Variants in PTPN3 observed in about 807,000 individuals in gnomAD.
PTPN3 encodes the protein tyrosine-protein phosphatase non-receptor type 3.
A neutral mutation model predicts 132.7 loss-of-function variants in PTPN3; 96 were observed. That is an observed-to-expected ratio of 0.72 (90% CI 0.61 to 0.86). The LOEUF is 0.86. PTPN3 is among the 40% of genes least tolerant of loss of function. The pLI, the probability that PTPN3 is intolerant of heterozygous loss-of-function variation, is 0.00. For synonymous variants in PTPN3, 398 were observed against 429.0 expected, an observed-to-expected ratio of 0.93 and a Z score of 0.89; for missense variants, 1,125 against 1,159.6, an observed-to-expected ratio of 0.97 and a Z score of 0.43.
At chr9:109,443,275 T>C (rs931729926) in intron 7 of PTPN3, among the ~76,000 whole-genome samples, 1 of 151,952 alleles carries the variant, frequency 6.6e-6, no homozygotes, top group Non-Finnish European at 1.5e-5. Flanking sequence ...TGGGGCTTCA[T>C]AGTGTTGCCC....
chr9:109,511,364 T>C, the PTPN3 span: 1 of 152,740 alleles, frequency 6.5e-6, no homozygotes, highest in Non-Finnish European at 1.5e-5. Context: ...CACAGTAACT[T>C]TGACAGAATG....
At position 109,420,609 on chromosome 9, in the gene PTPN3, G is replaced by C. The variant is rs1476871132; in HGVS notation, c.1137-9C>G. On this transcript the variant is annotated splice_polypyrimidine_tract_variant and intron_variant, in intron 13 of 25. Transcript: ENST00000374541. ...GGAGCCGAGGACTTCGCCTGGGTGGGAAAAACGTTGAGTGCAAAGTGTTCA... is the reference window on the plus strand; with the variant it reads ...GGAGCCGAGGACTTCGCCTGGGTGGCAAAAACGTTGAGTGCAAAGTGTTCA... The C allele has an allele frequency of 6.2e-7, 1 of 1,602,320 alleles. No homozygotes were observed. Among genetic ancestry groups the C allele is most frequent in the East Asian group, 2.2e-5 (1 of 44,596 alleles).
chr9:109,468,238 C>T (rs1846196084), intron 1 of PTPN3, among the ~76,000 whole-genome samples: 1 of 152,188 alleles, frequency 6.6e-6, no homozygotes, highest in Non-Finnish European at 1.5e-5. Context: ...ATTACAGCTG[C>T]TGCTGATGCA....
chr9:109,467,784 G>A (rs553948191), intron 1 of PTPN3, among the ~76,000 whole-genome samples: 6 of 152,260 alleles, frequency 3.9e-5, no homozygotes, highest in South Asian at 2.1e-4. Context: ...TCATTTCACC[G>A]TGGTTAGCAA....
chr9:109,395,985 T>C (rs1840570182), intron 19 of PTPN3, among the ~76,000 whole-genome samples: 1 of 151,890 alleles, frequency 6.6e-6, no homozygotes, highest in Non-Finnish European at 1.5e-5. Flanking sequence ...GCCTCCCGTG[T>C]AGCTGGAATC....
At chr9:109,501,685 A>G (rs1847866201), upstream of PTPN3, among the ~76,000 whole-genome samples, 1 of 152,220 alleles carries the variant, frequency 6.6e-6, no homozygotes, top group Non-Finnish European at 1.5e-5. Flanking sequence ...TGTTGAACTC[A>G]GCCAAGTGTA....
the PTPN3 span, among the ~76,000 whole-genome samples, chr9:109,504,783 A>G: frequency 6.6e-6 from 1 of 151,894 alleles, no homozygotes; most frequent in Non-Finnish European, 1.5e-5. Flanking sequence ...CTGGAAACTC[A>G]GATCATTGAG....
chr9:109,401,628 C>T (rs989233580), intron 19 of PTPN3, among the ~76,000 whole-genome samples: 3 of 152,198 alleles, frequency 2.0e-5, no homozygotes, highest in African/African-American at 7.2e-5. Flanking sequence ...TCAGTGAGAG[C>T]CCACAGCGCC....
chr9:109,473,033 G>T (rs549518665), intron 1 of PTPN3, among the ~76,000 whole-genome samples: 24 of 152,102 alleles, frequency 1.6e-4, no homozygotes, highest in Non-Finnish European at 3.2e-4. Context: ...TTAAAAATTT[G>T]GGTATTTATG....
chr9:109,417,589 C>T (rs1485964822), intron 14 of PTPN3: 2 of 984,528 alleles, frequency 2.0e-6, no homozygotes, highest in Non-Finnish European at 1.2e-6. Flanking sequence ...TACTTCTTAC[C>T]TGGAGCAATG....
At chr9:109,459,631 C>T (rs1390800248) in intron 2 of PTPN3, among the ~76,000 whole-genome samples, 2 of 152,114 alleles carry the variant, frequency 1.3e-5, no homozygotes, top group African/African-American at 2.4e-5. Flanking sequence ...CTCACTGTAA[C>T]CTCAAACTCC....
At position 109,445,272 on chromosome 9, in the gene PTPN3, G is replaced by A. The variant is rs1844773037; in HGVS notation, c.434C>T (p.Ser145Leu). ...CEGRLTCPLNSAVVLASYAVQ... is the reference protein window; with the variant it reads ...CEGRLTCPLNLAVVLASYAVQ... ...GGCATAGGACGCTAGAACCACTGCTGAGTTAAGAGGGCAGGTTAACCTGTC... is the reference window on the plus strand; with the variant it reads ...GGCATAGGACGCTAGAACCACTGCTAAGTTAAGAGGGCAGGTTAACCTGTC... The change falls in exon 7 of 26, where the codon TCA becomes TTA. Residue 145 changes from serine to leucine, a missense_variant. Transcript: ENST00000374541. 6.2e-6 allele frequency: 10 copies of A among 1,613,826 alleles called. No homozygotes were observed. Among genetic ancestry groups the A allele is most frequent in the Non-Finnish European group, 8.5e-6 (10 of 1,179,692 alleles).
intron 19 of PTPN3, among the ~76,000 whole-genome samples, chr9:109,394,852 G>A (rs1384726891): frequency 6.6e-6 from 1 of 152,146 alleles, no homozygotes; most frequent in African/African-American, 2.4e-5. Context: ...CAAAGAGGAA[G>A]AAACTGGCCG....
At chr9:109,528,263 C>T in the PTPN3 span, among the ~76,000 whole-genome samples, 1 of 152,118 alleles carries the variant, frequency 6.6e-6, no homozygotes, top group Non-Finnish European at 1.5e-5. Flanking sequence ...TTCTAATGTT[C>T]AGCAAAAGAC....
chr9:109,389,491 C>T, intron 21 of PTPN3, 112 bp from the exon 22 acceptor site: 3 of 1,130,764 alleles, frequency 2.7e-6, no homozygotes, highest in Non-Finnish European at 2.4e-6. Context: ...AAAATTATCT[C>T]TTTATCAATT....
At position 109,410,284 on chromosome 9, in the gene PTPN3, T is replaced by C; in HGVS notation, c.1445A>G (p.His482Arg). 2 of 1,614,164 alleles carry C rather than the reference T, an allele frequency of 1.2e-6. No individual in the cohort carries two copies. The highest frequency in any genetic ancestry group is 1.7e-6 in the Non-Finnish European group (2 of 1,180,034). The change falls in exon 15 of 26, where the codon CAC (histidine) becomes CGC (arginine). Residue 482 changes from histidine to arginine, a missense_variant. Transcript: ENST00000374541. ...GVDQQLLDDF[H>R]RVTKGGSTED... ...GGTGGAGCCCCCTTTGGTCACCCTGTGGAAGTCATCTAAGAGCTGCTGATC... is the reference window on the plus strand; with the variant it reads ...GGTGGAGCCCCCTTTGGTCACCCTGCGGAAGTCATCTAAGAGCTGCTGATC...
chr9:109,446,020 A>G (rs1844829449), intron 6 of PTPN3, among the ~76,000 whole-genome samples: 1 of 152,168 alleles, frequency 6.6e-6, no homozygotes, highest in African/African-American at 2.4e-5. Context: ...TGTCTTAGGC[A>G]CATTTTGAAT....
At chr9:109,394,397 T>C (rs966166792) in intron 19 of PTPN3, among the ~76,000 whole-genome samples, 1 of 152,060 alleles carries the variant, frequency 6.6e-6, no homozygotes, top group Non-Finnish European at 1.5e-5. Flanking sequence ...TGTAAAGTAC[T>C]AAGATTAATC....
rs1838587418 is a variant in PTPN3, at chr9:109,376,780, G to A, written c.*2776C>T. 6.6e-6 allele frequency: 1 copy of A among 152,254 alleles called. No homozygotes were observed. Among genetic ancestry groups the A allele is most frequent in the Non-Finnish European group, 1.5e-5 (1 of 68,040 alleles). 9.4% of individuals were successfully genotyped at this position (152,254 alleles called of 1,614,324 possible). ...TATAAGGTGGTGAAACAGGAATCTT[G>A]AGCTACGGATTTTAAGTGGTAATAG... is the stretch of plus-strand genomic sequence containing the variant. On this transcript the variant is annotated 3_prime_UTR_variant, in exon 26 of 26. Transcript: ENST00000374541.
Sources: allele counts gnomAD v4.1 joint callset (sites outside exome capture counted in the v4.1 genomes callset), GRCh38; gene constraint gnomAD v4.1.1; transcripts MANE v1.5; gene names NCBI Gene and HGNC (gene_info 2026-07-23, HGNC 2026-07-21).